The following PDE10A variants were observed in gnomAD, a reference collection of about 807,000 sequenced individuals.
PDE10A encodes the protein cAMP and cAMP-inhibited cGMP 3',5'-cyclic phosphodiesterase 10A.
In PDE10A, 39 loss-of-function variants were observed where a neutral mutation model predicts 97.7. The observed-to-expected ratio is 0.40, with a 90% CI of 0.31 to 0.52. The LOEUF is 0.52. Ranked by LOEUF, PDE10A falls within the 20% of genes least tolerant of loss-of-function variation. The pLI, the probability that PDE10A is intolerant of heterozygous loss-of-function variation, is 0.56. For missense variants in PDE10A, 731 were observed against 1,047.8 expected (o/e 0.70, Z 4.17); for synonymous variants, 371 against 376.8 (o/e 0.98, Z 0.18).
chr6:165,731,148 C>G (rs1792425453), intron 1 of PDE10A, among the ~76,000 whole-genome samples: 1 of 152,348 alleles, frequency 6.6e-6, no homozygotes, highest in Non-Finnish European at 1.5e-5. Flanking sequence ...AGCTCCCTGT[C>G]CCTGCGGCCT....
At chr6:165,566,502 G>A (rs187123234) in intron 1 of PDE10A, among the ~76,000 whole-genome samples, 4 of 152,294 alleles carry the variant, frequency 2.6e-5, no homozygotes, top group Admixed American at 2.0e-4. Context: ...AAGACAGTTC[G>A]GCAGCTCTGG....
At chr6:165,921,578 C>A (rs1403722187) in intron 1 of PDE10A, among the ~76,000 whole-genome samples, 1 of 152,126 alleles carries the variant, frequency 6.6e-6, no homozygotes, top group Non-Finnish European at 1.5e-5. Context: ...CAGGCTGGGC[C>A]AGCTAAGCTT....
chr6:165,903,405 G>C (rs554975295), intron 1 of PDE10A, among the ~76,000 whole-genome samples: 1 of 152,286 alleles, frequency 6.6e-6, no homozygotes, highest in South Asian at 2.1e-4. Flanking sequence ...AAGGAAAGTT[G>C]ATAGAACTTC....
At chr6:165,435,929 A>C (rs1789983340) in intron 5 of PDE10A, among the ~76,000 whole-genome samples, 1 of 152,226 alleles carries the variant, frequency 6.6e-6, no homozygotes, top group East Asian at 1.9e-4. Flanking sequence ...CTGTTCTCTG[A>C]GCAAAAATCT....
intron 1 of PDE10A, among the ~76,000 whole-genome samples, chr6:165,566,261 G>A (rs1784774312): frequency 6.6e-6 from 1 of 152,108 alleles, no homozygotes; most frequent in Non-Finnish European, 1.5e-5. Context: ...ATTATTAAAA[G>A]TCCAAAACAT....
intron 1 of PDE10A, among the ~76,000 whole-genome samples, chr6:165,746,609 C>T (rs191720215): frequency 4.3e-4 from 66 of 152,290 alleles, no homozygotes; most frequent in African/African-American, 1.5e-3. Context: ...ATTCATGGTC[C>T]CTGGGTGCTT....
chr6:165,814,120 AT>A (rs1262011297), intron 1 of PDE10A, among the ~76,000 whole-genome samples: 3 of 152,208 alleles, frequency 2.0e-5, no homozygotes, highest in Admixed American at 6.5e-5. Flanking sequence ...ATTAATTACC[AT>A]TTCAAAATGC....
chr6:165,880,629 C>T (rs1041668898), intron 1 of PDE10A, among the ~76,000 whole-genome samples: 2 of 152,162 alleles, frequency 1.3e-5, no homozygotes, highest in East Asian at 3.9e-4. Flanking sequence ...TTTAAATGTT[C>T]ATCTACTCCA....
chr6:165,952,193 A>G (rs1274321042), intron 1 of PDE10A, among the ~76,000 whole-genome samples: 1 of 152,218 alleles, frequency 6.6e-6, no homozygotes, highest in Non-Finnish European at 1.5e-5. Flanking sequence ...GCAAGCTGCC[A>G]TGCACCCACC....
At chr6:165,776,845 G>A (rs1299090288) in intron 1 of PDE10A, among the ~76,000 whole-genome samples, 1 of 152,208 alleles carries the variant, frequency 6.6e-6, no homozygotes. Flanking sequence ...CTGAGGCCAG[G>A]GAGGCTGAAA....
chr6:165,516,182 T>A (rs1781795187), intron 2 of PDE10A, among the ~76,000 whole-genome samples: 2 of 152,142 alleles, frequency 1.3e-5, no homozygotes, highest in South Asian at 4.1e-4. Context: ...AGGCCATAGC[T>A]CCAGCAATCT....
At chr6:165,616,756 G>A (rs16898061) in intron 1 of PDE10A, among the ~76,000 whole-genome samples, 3,213 of 152,108 alleles carry the variant, frequency 0.021, 116 homozygotes, top group African/African-American at 0.073. Context: ...CTACAGTTTC[G>A]TACTCAAATA....
At chr6:165,529,476 G>A (rs745517866) in intron 2 of PDE10A, among the ~76,000 whole-genome samples, 1 of 152,302 alleles carries the variant, frequency 6.6e-6, no homozygotes, top group Non-Finnish European at 1.5e-5. Context: ...GACCTGCTGA[G>A]GTGCTTGCTG....
chr6:165,575,509 C>T lies in PDE10A; in HGVS notation c.866-31941G>A, dbSNP rs182419812. ...TTTTGGTTCTTGATTCCTTCTTTTC[C>T]TTGCTCACTCAGTTATTTCCCCTTT... On this transcript the variant is annotated intron_variant, in intron 1 of 21. Transcript: ENST00000539869. Among the ~76,000 whole-genome samples, 52 of 152,216 alleles carry T rather than the reference C, an allele frequency of 3.4e-4. 1 individual carries two copies. In the East Asian group the frequency reaches 8.5e-3, roughly 25 times the overall value.
chr6:165,498,466 A>AAAAAAAAAAAAAAAAAG (rs1780677360), intron 2 of PDE10A, among the ~76,000 whole-genome samples: 1 of 128,882 alleles, frequency 7.8e-6, no homozygotes, highest in Non-Finnish European at 1.7e-5. Context: ...AAAAAAAAAA[A>AAAAAAAAAAAAAAAAAG]TCAGTAACAG....
chr6:165,936,797 T>C (rs953634395), intron 1 of PDE10A, among the ~76,000 whole-genome samples: 3 of 152,208 alleles, frequency 2.0e-5, no homozygotes, highest in African/African-American at 7.2e-5. Flanking sequence ...GGGAGCCTCA[T>C]TGTTCCCCAA....
chr6:165,674,524 G>A (rs1790740552), intron 1 of PDE10A, among the ~76,000 whole-genome samples: 1 of 152,170 alleles, frequency 6.6e-6, no homozygotes, highest in African/African-American at 2.4e-5. Flanking sequence ...ACCACTGCCT[G>A]GCTTAGAGCA....
intron 18 of PDE10A, among the ~76,000 whole-genome samples, chr6:165,376,885 T>C (rs575669): frequency 0.55 from 83,485 of 152,032 alleles, 23,841 homozygotes; most frequent in African/African-American, 0.71. Flanking sequence ...TGCCACTGCA[T>C]GTTGACAGGC....
At chr6:165,805,079 G>A (rs1438657481) in intron 1 of PDE10A, among the ~76,000 whole-genome samples, 2 of 150,298 alleles carry the variant, frequency 1.3e-5, no homozygotes, top group Admixed American at 6.6e-5. Context: ...TGGGGCGTAC[G>A]GAGGGGCAGC....
Sources: allele counts gnomAD v4.1 joint callset (sites outside exome capture counted in the v4.1 genomes callset), GRCh38; gene constraint gnomAD v4.1.1; transcripts MANE v1.5; gene names NCBI Gene and HGNC (gene_info 2026-07-23, HGNC 2026-07-21).